FLVCR2: variants seen among roughly 807,000 people sequenced by gnomAD.
FLVCR2 encodes the protein FLVCR choline and putative heme transporter 2.
Under a neutral mutation model 48.9 loss-of-function variants are expected in FLVCR2, and 38 were observed. That is an observed-to-expected ratio of 0.78 (90% CI 0.60 to 1.02). FLVCR2 has a LOEUF of 1.02. Ranked by LOEUF, FLVCR2 falls within the 50% of genes least tolerant of loss-of-function variation. The pLI is 0.00. For synonymous variants in FLVCR2, 255 were observed against 257.0 expected (o/e 0.99, Z 0.07); for missense variants, 664 against 663.3 (o/e 1.00, Z -0.01).
In FLVCR2 at chr14:75,579,336, G is replaced by A. The variant is rs147535419; in HGVS notation, c.364G>A (p.Ala122Thr). 1.4e-4 allele frequency: 223 copies of A among 1,614,164 alleles called. 1 individual carries two copies. In the African/African-American group the frequency reaches 2.8e-3, roughly 20 times the overall value. ...FMHFYGVSAFAIDWLSMCYML... is the reference protein window; with the variant it reads ...FMHFYGVSAFTIDWLSMCYML... ...GCACTTCTACGGTGTCAGTGCCTTTGCCATTGACTGGCTGTCCATGTGCTA... is the reference window on the plus strand; with the variant it reads ...GCACTTCTACGGTGTCAGTGCCTTTACCATTGACTGGCTGTCCATGTGCTA... Residue 122 changes from alanine to threonine, a missense_variant, in exon 1 of 10, where the codon GCC (alanine) becomes ACC (threonine). By Grantham distance (58) the Ala-to-Thr change is moderately conservative (BLOSUM62 0). Coordinates refer to ENST00000238667, the MANE Select transcript of FLVCR2 (RefSeq NM_017791.3).
chr14:75,602,028 T>A (rs1359227334), intron 1 of FLVCR2, among the ~76,000 whole-genome samples: 2 of 152,230 alleles, frequency 1.3e-5, no homozygotes, highest in Admixed American at 1.3e-4. Flanking sequence ...TTACTCACAT[T>A]TCCTAGTTTA....
chr14:75,645,037 TGTGTGTG>T (rs1044855481), intron 9 of FLVCR2, among the ~76,000 whole-genome samples: 2 of 4,214 alleles, frequency 4.7e-4, no homozygotes, highest in Admixed American at 4.2e-3. Flanking sequence ...GGGCGTGGTG[TGTGTGTG>T]TGTGTGTGTG....
chr14:75,625,748 A>C (rs372559736), intron 3 of FLVCR2, among the ~76,000 whole-genome samples: 1 of 151,984 alleles, frequency 6.6e-6, no homozygotes, highest in African/African-American at 2.4e-5. Context: ...TATAGACTCA[A>C]AAGCTATTGT....
chr14:75,622,242 TGGGGTAGCAGG>T, intron 2 of FLVCR2, 22 bp downstream of exon 2: 1 of 1,613,576 alleles, frequency 6.2e-7, no homozygotes, highest in Non-Finnish European at 8.5e-7. Flanking sequence ...AGTAAACAGA[TGGGGTAGCAGG>T]GGGCGAAGGG....
chr14:75,584,552 G>A (rs1429046060), intron 1 of FLVCR2, among the ~76,000 whole-genome samples: 1 of 152,152 alleles, frequency 6.6e-6, no homozygotes, highest in African/African-American at 2.4e-5. Context: ...TAACAGCTTC[G>A]TAAGCTGCCT....
chr14:75,607,707 GGATGTGTAGGT>G (rs1222249516), intron 1 of FLVCR2, among the ~76,000 whole-genome samples: 1 of 151,972 alleles, frequency 6.6e-6, no homozygotes. Flanking sequence ...GTAATATATC[GGATGTGTAGGT>G]GCCTTGAAAA....
At chr14:75,618,230 T>A (rs1245926672) in intron 1 of FLVCR2, among the ~76,000 whole-genome samples, 1 of 152,160 alleles carries the variant, frequency 6.6e-6, no homozygotes, top group East Asian at 1.9e-4. Context: ...TGAGTCATAC[T>A]TTTTCAGAGG....
At chr14:75,582,740 A>G (rs1415932741) in intron 1 of FLVCR2, among the ~76,000 whole-genome samples, 1 of 152,142 alleles carries the variant, frequency 6.6e-6, no homozygotes. Context: ...TAAGGAACGG[A>G]AAGAGGAGTG....
intron 1 of FLVCR2, among the ~76,000 whole-genome samples, chr14:75,589,374 C>A (rs1226596360): frequency 6.6e-6 from 1 of 152,182 alleles, no homozygotes; most frequent in East Asian, 1.9e-4. Flanking sequence ...GGGAAAACAA[C>A]ATTAAGTCTT....
intron 5 of FLVCR2, among the ~76,000 whole-genome samples, chr14:75,637,064 T>C (rs1214277509): frequency 6.6e-6 from 1 of 152,182 alleles, no homozygotes; most frequent in African/African-American, 2.4e-5. Flanking sequence ...CTTTGGAGAC[T>C]CTGACCTTGA....
At chr14:75,605,524 C>T (rs1218813652) in intron 1 of FLVCR2, 2 of 1,533,642 alleles carry the variant, frequency 1.3e-6, no homozygotes, top group Admixed American at 2.0e-5. Context: ...AAAACTTGAG[C>T]TCAGCCTCTC....
intron 1 of FLVCR2, among the ~76,000 whole-genome samples, chr14:75,615,549 G>T (rs1046616399): frequency 2.6e-5 from 4 of 152,092 alleles, no homozygotes; most frequent in African/African-American, 9.7e-5. Flanking sequence ...TCCTCTTGTG[G>T]ATTAGGAAAC....
chr14:75,628,720 A>G (rs1484561185), intron 3 of FLVCR2, among the ~76,000 whole-genome samples: 1 of 152,176 alleles, frequency 6.6e-6, no homozygotes, highest in African/African-American at 2.4e-5. Context: ...CAGCTCTGCC[A>G]GATACTGAGT....
At chr14:75,624,962 C>G (rs1262584600) in intron 3 of FLVCR2, among the ~76,000 whole-genome samples, 1 of 149,702 alleles carries the variant, frequency 6.7e-6, no homozygotes, top group Non-Finnish European at 1.5e-5. Context: ...GTCAGGTTAT[C>G]TGACAAATGC....
intron 1 of FLVCR2, among the ~76,000 whole-genome samples, chr14:75,611,057 C>G (rs553133128): frequency 1.5e-3 from 226 of 152,256 alleles, no homozygotes; most frequent in African/African-American, 5.2e-3. Context: ...GTCACATGAG[C>G]AAATGTGAGT....
At chr14:75,621,409 A>T (rs532818712) in intron 1 of FLVCR2, among the ~76,000 whole-genome samples, 81 of 152,010 alleles carry the variant, frequency 5.3e-4, no homozygotes, top group Non-Finnish European at 8.7e-4. Context: ...TCCATTTAAA[A>T]AAAAAAAAAG....
chr14:75,599,332 C>CA (rs1188529173), intron 1 of FLVCR2, among the ~76,000 whole-genome samples: 1 of 151,036 alleles, frequency 6.6e-6, no homozygotes, highest in Admixed American at 6.6e-5. Context: ...CAACACCCCC[C>CA]CCCAAAAAAT....
chr14:75,609,451 G>A (rs1889381749), intron 1 of FLVCR2, among the ~76,000 whole-genome samples: 3 of 152,202 alleles, frequency 2.0e-5, no homozygotes, highest in African/African-American at 7.2e-5. Context: ...CGTTATAGAT[G>A]TGAGTGACTA....
intron 1 of FLVCR2, among the ~76,000 whole-genome samples, chr14:75,601,145 A>C (rs1335310494): frequency 6.6e-6 from 1 of 152,278 alleles, no homozygotes; most frequent in Non-Finnish European, 1.5e-5. Context: ...AAATTAACTA[A>C]AAGTATCCCA....
Sources: allele counts gnomAD v4.1 joint callset (sites outside exome capture counted in the v4.1 genomes callset), GRCh38; gene constraint gnomAD v4.1.1; transcripts MANE v1.5; gene names NCBI Gene and HGNC (gene_info 2026-07-23, HGNC 2026-07-21).